The following SEMA3A variants were observed in gnomAD, a reference collection of about 807,000 sequenced individuals.
The protein encoded by SEMA3A is semaphorin-3A.
SEMA3A carries 29 observed loss-of-function variants against 97.9 expected under a neutral mutation model. The observed-to-expected ratio is 0.30, with a 90% CI of 0.22 to 0.40. SEMA3A has a LOEUF of 0.40. SEMA3A is among the 10% of genes least tolerant of loss of function. SEMA3A has a pLI of 1.00. For synonymous variants in SEMA3A, 321 were observed against 323.7 expected, an observed-to-expected ratio of 0.99 and a Z score of 0.09; for missense variants, 763 against 951.3, an observed-to-expected ratio of 0.80 and a Z score of 2.60.
At chr7:84,107,942 T>C (rs2115929014) in intron 4 of SEMA3A, among the ~76,000 whole-genome samples, 1 of 152,120 alleles carries the variant, frequency 6.6e-6, no homozygotes, top group Admixed American at 6.5e-5. Context: ...TCTGATGAAG[T>C]GAGAAACATT....
intron 3 of SEMA3A, among the ~76,000 whole-genome samples, chr7:84,239,089 C>A (rs1001950049): frequency 6.6e-6 from 1 of 152,018 alleles, no homozygotes; most frequent in African/African-American, 2.4e-5. Context: ...ATAATTATAT[C>A]ATAATGCTAA....
chr7:84,438,007 A>G (rs1024045328), intron 1 of SEMA3A, among the ~76,000 whole-genome samples: 5 of 152,196 alleles, frequency 3.3e-5, no homozygotes, highest in African/African-American at 1.2e-4. Context: ...AGAATGAAAG[A>G]AAGTCTTTGT....
chr7:84,469,434 G>T (rs943706172), intron 1 of SEMA3A, among the ~76,000 whole-genome samples: 1 of 152,124 alleles, frequency 6.6e-6, no homozygotes, highest in African/African-American at 2.4e-5. Context: ...GTAGCTTAAG[G>T]TATAGTGTAA....
At chr7:84,412,089 T>C (rs900129110) in intron 1 of SEMA3A, among the ~76,000 whole-genome samples, 44 of 152,306 alleles carry the variant, frequency 2.9e-4, no homozygotes, top group African/African-American at 1.0e-3. Context: ...ATGCCATTTA[T>C]GACAGCTCAA....
intron 1 of SEMA3A, among the ~76,000 whole-genome samples, chr7:84,151,709 C>T (rs1450036107): frequency 1.3e-5 from 2 of 152,062 alleles, no homozygotes; most frequent in Non-Finnish European, 2.9e-5. Context: ...TCTCATTAAA[C>T]TAAAGAGCTT....
chr7:84,258,494 C>A (rs985063217), intron 3 of SEMA3A, among the ~76,000 whole-genome samples: 2 of 152,062 alleles, frequency 1.3e-5, no homozygotes, highest in African/African-American at 4.8e-5. Flanking sequence ...CTACCCAATT[C>A]AATATTATGC....
chr7:84,141,529 C>T (rs2116073813), intron 1 of SEMA3A, among the ~76,000 whole-genome samples: 1 of 152,226 alleles, frequency 6.6e-6, no homozygotes, highest in Non-Finnish European at 1.5e-5. Context: ...TAAGTTCAGG[C>T]TACATGTGTA....
Position 83,961,343 on chromosome 7 carries a change from T to A in SEMA3A, c.*28A>T. On this transcript the variant is annotated 3_prime_UTR_variant, in exon 17 of 17. Coordinates refer to ENST00000265362, the MANE Select transcript of SEMA3A (RefSeq NM_006080.3). ...GTTATTGTCTAGGCAAGTTTCTACTTGTTTGAGGTTTCTAGAGGTAATGCA... is the reference window on the plus strand; with the variant it reads ...GTTATTGTCTAGGCAAGTTTCTACTAGTTTGAGGTTTCTAGAGGTAATGCA... 6.3e-7 allele frequency: 1 copy of A among 1,577,334 alleles called. No homozygotes were observed. The highest frequency in any genetic ancestry group is 8.7e-7 in the Non-Finnish European group (1 of 1,147,608).
intron 2 of SEMA3A, among the ~76,000 whole-genome samples, chr7:84,336,955 C>A (rs1042550604): frequency 6.6e-6 from 1 of 151,910 alleles, no homozygotes; most frequent in African/African-American, 2.4e-5. Context: ...CAACACCTTC[C>A]CTAGACTTGA....
intron 4 of SEMA3A, among the ~76,000 whole-genome samples, chr7:84,090,868 AC>A (rs1429503920): frequency 1.3e-5 from 2 of 151,722 alleles, no homozygotes; most frequent in African/African-American, 4.8e-5. Context: ...GGGGTTCAAG[AC>A]CAGCCTAGCC....
intron 2 of SEMA3A, among the ~76,000 whole-genome samples, chr7:84,341,669 A>G (rs2115988927): frequency 6.6e-6 from 1 of 152,164 alleles, no homozygotes; most frequent in Non-Finnish European, 1.5e-5. Context: ...AGCCTTCGTC[A>G]TCTCAAACCT....
chr7:84,479,692 T>C (rs1372084332), intron 1 of SEMA3A, among the ~76,000 whole-genome samples: 2 of 152,168 alleles, frequency 1.3e-5, no homozygotes, highest in South Asian at 2.1e-4. Context: ...CAAAGAGCTA[T>C]ATTTTATTCT....
Position 84,350,589 on chromosome 7 carries a change from T to G in SEMA3A, c.-169+21235A>C, listed in dbSNP as rs567002807. ...TATTTTCTTGTATGTGAAGATGTGT[T>G]TACTAGTAAAAATGGATATATTCAT... On this transcript the variant is annotated intron_variant, in intron 2 of 3. Transcript: ENST00000424555. 1.1e-4 allele frequency among the ~76,000 whole-genome samples: 16 copies of G among 152,256 alleles called. No homozygotes were observed. In the South Asian group the frequency reaches 3.3e-3, roughly 32 times the overall value.
Position 84,285,541 on chromosome 7 carries a change from T to C in SEMA3A, c.-83+21666A>G, listed in dbSNP as rs111593142. ...GGCTGGTGATGCCAACAATTGTAAG[T>C]GACTAATATAAATTCAAGCATAATA... On this transcript the variant is annotated intron_variant, in intron 3 of 3. Transcript: ENST00000424555. Among the ~76,000 whole-genome samples the C allele has an allele frequency of 3.3e-5, 5 of 152,314 alleles. 1 individual carries two copies. Among genetic ancestry groups the C allele is most frequent in the African/African-American group, 1.2e-4 (5 of 41,576 alleles).
intron 1 of SEMA3A, among the ~76,000 whole-genome samples, chr7:84,434,577 A>G (rs2116326308): frequency 6.6e-6 from 1 of 152,274 alleles, no homozygotes; most frequent in Admixed American, 6.5e-5. Flanking sequence ...CTACAGGCCA[A>G]TATCCCTAAT....
chr7:84,155,700 G>A (rs574005140), intron 1 of SEMA3A, among the ~76,000 whole-genome samples: 1 of 152,234 alleles, frequency 6.6e-6, no homozygotes, highest in East Asian at 1.9e-4. Context: ...CAGTAAAACA[G>A]AATTTAAAGT....
chr7:84,296,728 T>A (rs1800882046), intron 3 of SEMA3A, among the ~76,000 whole-genome samples: 1 of 152,180 alleles, frequency 6.6e-6, no homozygotes, highest in Non-Finnish European at 1.5e-5. Flanking sequence ...TGATAGCTTT[T>A]AAATCAATAT....
At chr7:84,183,357 T>C (rs1305477832) in intron 1 of SEMA3A, among the ~76,000 whole-genome samples, 1 of 152,184 alleles carries the variant, frequency 6.6e-6, no homozygotes, top group East Asian at 1.9e-4. Flanking sequence ...TAATTTTCAA[T>C]AGGCCAACAA....
intron 6 of SEMA3A, among the ~76,000 whole-genome samples, chr7:84,017,356 T>C (rs1791145053): frequency 6.6e-6 from 1 of 152,202 alleles, no homozygotes; most frequent in African/African-American, 2.4e-5. Flanking sequence ...TCTTCTTCAA[T>C]ATATGATAAC....
Sources: gnomAD v4.1 joint callset for allele counts (sites outside exome capture counted in the v4.1 genomes callset) on GRCh38, gnomAD v4.1.1 for gene constraint, MANE v1.5 for transcripts, NCBI Gene and HGNC (gene_info 2026-07-23, HGNC 2026-07-21) for gene names.